The following KLRG1 variants were observed in gnomAD, a reference collection of about 807,000 sequenced individuals.
KLRG1 encodes killer cell lectin like receptor G1.
KLRG1 carries 16 observed loss-of-function variants against 21.8 expected under a neutral mutation model. The observed-to-expected ratio is 0.73, with a 90% CI of 0.50 to 1.11. The LOEUF is 1.11. KLRG1 is among the 50% of genes most tolerant of loss of function. The pLI is 0.00. For missense variants in KLRG1, 173 were observed against 218.3 expected, an observed-to-expected ratio of 0.79 and a Z score of 1.31; for synonymous variants, 69 against 75.9, an observed-to-expected ratio of 0.91 and a Z score of 0.47.
At chr12:9,091,400 G>T in the KLRG1 span, 1 of 1,614,194 alleles carries the variant, frequency 6.2e-7, no homozygotes, top group Non-Finnish European at 8.5e-7. Flanking sequence ...GTCAGGGACT[G>T]TTACTCCTAC....
the KLRG1 span, among the ~76,000 whole-genome samples, chr12:9,063,350 G>A: frequency 7.1e-4 from 108 of 152,298 alleles, no homozygotes; most frequent in African/African-American, 2.5e-3. Context: ...GGGGAATATA[G>A]GGTTAGTGGT....
At chr12:9,195,291 A>G in the KLRG1 span, among the ~76,000 whole-genome samples, 3 of 152,310 alleles carry the variant, frequency 2.0e-5, no homozygotes, top group Non-Finnish European at 4.4e-5. Context: ...TAATTATTCC[A>G]TAAATGTTAG....
At chr12:9,095,796 A>G in the KLRG1 span, 1 of 1,118,242 alleles carries the variant, frequency 8.9e-7, no homozygotes, top group Non-Finnish European at 1.2e-6. Flanking sequence ...TCTGTCGCCC[A>G]GGCCGGACCG....
intron 1 of KLRG1, among the ~76,000 whole-genome samples, chr12:8,952,186 G>A (rs1055149430): frequency 1.3e-5 from 2 of 152,178 alleles, no homozygotes; most frequent in Non-Finnish European, 2.9e-5. Flanking sequence ...TCTCACACAA[G>A]GTAAATTGTT....
the KLRG1 span, among the ~76,000 whole-genome samples, chr12:9,148,458 CTCTT>C: frequency 2.6e-5 from 4 of 152,018 alleles, no homozygotes; most frequent in Non-Finnish European, 5.9e-5. Context: ...TCACTCTCAT[CTCTT>C]TATTTTTTTA....
the KLRG1 span, chr12:9,166,075 C>T: frequency 6.2e-7 from 1 of 1,609,788 alleles, no homozygotes; most frequent in Non-Finnish European, 8.5e-7. Flanking sequence ...ACTCCCAGAT[C>T]CAAGTCTCAG....
At chr12:8,972,188 C>G (rs979803032) in intron 1 of KLRG1, among the ~76,000 whole-genome samples, 1 of 151,924 alleles carries the variant, frequency 6.6e-6, no homozygotes, top group Admixed American at 6.6e-5. Context: ...GACGGAGTCT[C>G]GCTCTGTCGC....
the KLRG1 span, among the ~76,000 whole-genome samples, chr12:9,088,859 G>A: frequency 1.7e-4 from 26 of 152,056 alleles, no homozygotes; most frequent in African/African-American, 5.8e-4. Context: ...AAATTCAGCC[G>A]TCCATAGTTT....
chr12:9,038,229 C>T, the KLRG1 span, among the ~76,000 whole-genome samples: 1 of 152,162 alleles, frequency 6.6e-6, no homozygotes, highest in Non-Finnish European at 1.5e-5. Context: ...CCACAGCACT[C>T]CAGCCTGGGC....
At chr12:8,968,496 G>A (rs186198712) in intron 1 of KLRG1, among the ~76,000 whole-genome samples, 57 of 152,262 alleles carry the variant, frequency 3.7e-4, no homozygotes, top group Middle Eastern at 3.4e-3. Flanking sequence ...AAGAGAACTT[G>A]AGAGGAAAAG....
the KLRG1 span, among the ~76,000 whole-genome samples, chr12:9,213,042 T>G: frequency 6.6e-6 from 1 of 152,226 alleles, no homozygotes; most frequent in Non-Finnish European, 1.5e-5. Context: ...TTTGGACATT[T>G]CATATTAATA....
Position 8,958,889 on chromosome 12 carries a change from T to C in KLRG1, c.-156+8653T>C, listed in dbSNP as rs1035446569. ...AAAAAAAATCCTGCTGGGGTTACAA[T>C]TGGGGTTGATATGAATCTGTAGATA... On this transcript the variant is annotated intron_variant, in intron 1 of 4. Coordinates refer to the KLRG1 transcript ENST00000539240. Among the ~76,000 whole-genome samples, 4 of 151,936 alleles carry C rather than the reference T, an allele frequency of 2.6e-5. No homozygotes were observed. The East Asian group carries it at 5.8e-4, about 22-fold the overall frequency.
chr12:9,124,308 G>T, the KLRG1 span, among the ~76,000 whole-genome samples: 1 of 152,164 alleles, frequency 6.6e-6, no homozygotes, highest in Non-Finnish European at 1.5e-5. Flanking sequence ...CTTCTGAGTT[G>T]GGGCCAGAGC....
chr12:9,034,509 G>C, the KLRG1 span, among the ~76,000 whole-genome samples: 20 of 150,164 alleles, frequency 1.3e-4, no homozygotes, highest in African/African-American at 4.9e-4. Context: ...GCAATGGTGT[G>C]ATCTCGGCTC....
At chr12:9,104,388 C>A in the KLRG1 span, 2 of 1,588,164 alleles carry the variant, frequency 1.3e-6, no homozygotes, top group South Asian at 1.1e-5. Context: ...CCTTTCCCAT[C>A]TACTAGGCGC....
chr12:8,978,661 T>C (rs552865892), intron 1 of KLRG1, among the ~76,000 whole-genome samples: 16 of 128,432 alleles, frequency 1.2e-4, no homozygotes, highest in South Asian at 2.7e-4. Context: ...TCTTTCTTTC[T>C]TTCTTTCTTT....
At chr12:9,022,205 A>G in the KLRG1 span, among the ~76,000 whole-genome samples, 1 of 152,222 alleles carries the variant, frequency 6.6e-6, no homozygotes, top group Non-Finnish European at 1.5e-5. Flanking sequence ...ATGAAGTATC[A>G]TGTACTGTAC....
chr12:8,983,395 CTTTTT>C lies in KLRG1; in HGVS notation c.-155-8793_-155-8789del, dbSNP rs764267755. On this transcript the variant is annotated intron_variant, in intron 1 of 4. Transcript: ENST00000539240. ...TGTATTGGCAGTCTTACCATTTTAC[CTTTTT>C]TTTTTTTTTTTTTTTTTGAGACAGA... Among the ~76,000 whole-genome samples, 19 of 89,540 alleles carry C rather than the reference CTTTTT, an allele frequency of 2.1e-4. 1 individual carries two copies. The highest frequency in any genetic ancestry group is 8.3e-4 in the African/African-American group (18 of 21,712). The allele number at this position is 89,540 out of a possible 152,430, so 58.7% of individuals were successfully genotyped here.
the KLRG1 span, among the ~76,000 whole-genome samples, chr12:9,117,071 G>A: frequency 6.6e-6 from 1 of 152,146 alleles, no homozygotes; most frequent in Non-Finnish European, 1.5e-5. Flanking sequence ...AGTAGTGGTT[G>A]TCTCGAAGAA....
Sources: allele counts gnomAD v4.1 joint callset (sites outside exome capture counted in the v4.1 genomes callset), GRCh38; gene constraint gnomAD v4.1.1; transcripts MANE v1.5; gene names NCBI Gene and HGNC (gene_info 2026-07-23, HGNC 2026-07-21).